TBCK: variants seen among roughly 807,000 people sequenced by gnomAD.
TBCK encodes the protein TBC domain-containing protein kinase-like protein.
A neutral mutation model predicts 113.4 loss-of-function variants in TBCK; 99 were observed. The ratio of observed to expected loss-of-function variants is 0.87; its 90% CI spans 0.74 to 1.03. The LOEUF is 1.03. TBCK is among the 50% of genes least tolerant of loss of function. The pLI is 0.00. For missense variants in TBCK, 1,045 were observed against 1,061.3 expected (o/e 0.98, Z 0.21); for synonymous variants, 369 against 370.8 (o/e 1.00, Z 0.05).
In TBCK at chr4:106,095,590, G is replaced by A. The variant is rs771208077; in HGVS notation, c.2463C>T (p.Ala821=). The change falls in exon 25 of 26, where the codon GCC becomes GCT. Residue 821 remains alanine, a synonymous_variant. Transcript: ENST00000394708. ...GGGTAAGCTCCCCTTCTGCAGTGAA[G>A]GCAGCACTGAATGGAATGTTGATGC... ...SGSINIPFSA[A]FTAEGELTQG... The A allele has an allele frequency of 7.4e-6, 12 of 1,614,082 alleles. No individual in the cohort carries two copies. The Admixed American group carries it at 1.8e-4, about 25-fold the overall frequency.
chr4:106,251,612 T>C (rs1761432591), intron 6 of TBCK, among the ~76,000 whole-genome samples: 1 of 151,936 alleles, frequency 6.6e-6, no homozygotes, highest in African/African-American at 2.4e-5. Flanking sequence ...TTTGTAAAAA[T>C]ATACACATTA....
intron 3 of TBCK, among the ~76,000 whole-genome samples, chr4:106,283,889 G>A (rs769097896): frequency 2.0e-5 from 3 of 152,258 alleles, no homozygotes; most frequent in South Asian, 2.1e-4. Context: ...CAGTTAGAAC[G>A]TTACAATGCA....
intron 23 of TBCK, among the ~76,000 whole-genome samples, chr4:106,122,642 A>C (rs1013745178): frequency 1.3e-5 from 2 of 152,144 alleles, no homozygotes; most frequent in African/African-American, 4.8e-5. Flanking sequence ...TACTGGCAAA[A>C]CGAATCCAGC....
At chr4:106,221,715 A>G (rs991162626) in intron 19 of TBCK, among the ~76,000 whole-genome samples, 2 of 152,170 alleles carry the variant, frequency 1.3e-5, no homozygotes, top group African/African-American at 4.8e-5. Context: ...CAATGGAATC[A>G]TAGAATCTTG....
At chr4:106,214,122 C>A (rs973171904) in intron 19 of TBCK, among the ~76,000 whole-genome samples, 8 of 151,796 alleles carry the variant, frequency 5.3e-5, no homozygotes, top group Non-Finnish European at 1.0e-4. Context: ...ACACCTCACA[C>A]GGCAGGGTAC....
intron 25 of TBCK, among the ~76,000 whole-genome samples, chr4:106,090,857 T>G (rs1241502130): frequency 6.6e-6 from 1 of 152,212 alleles, no homozygotes; most frequent in Non-Finnish European, 1.5e-5. Flanking sequence ...GACTTTATTG[T>G]CCATACAGCT....
chr4:106,192,765 T>A (rs1349771746), intron 22 of TBCK, among the ~76,000 whole-genome samples: 2 of 151,666 alleles, frequency 1.3e-5, no homozygotes, highest in African/African-American at 4.8e-5. Context: ...AAAGACATAA[T>A]CTTAAGGGAC....
intron 1 of TBCK, among the ~76,000 whole-genome samples, chr4:106,309,528 TCCTGA>T (rs1767954801): frequency 6.6e-6 from 1 of 151,976 alleles, no homozygotes; most frequent in Non-Finnish European, 1.5e-5. Flanking sequence ...GGTCTTGAAC[TCCTGA>T]CCTCGTGATC....
intron 2 of TBCK, among the ~76,000 whole-genome samples, chr4:106,296,344 C>CA: frequency 6.6e-6 from 1 of 151,936 alleles, no homozygotes; most frequent in Non-Finnish European, 1.5e-5. Flanking sequence ...ACACAAAACA[C>CA]AAAGACTGAG....
chr4:106,264,660 A>T (rs927976598), intron 3 of TBCK, among the ~76,000 whole-genome samples: 1 of 151,992 alleles, frequency 6.6e-6, no homozygotes, highest in Non-Finnish European at 1.5e-5. Context: ...CTTAAACCCT[A>T]GCTGTCAAGA....
intron 23 of TBCK, among the ~76,000 whole-genome samples, chr4:106,152,127 C>T (rs190869809): frequency 6.6e-6 from 1 of 151,842 alleles, no homozygotes; most frequent in African/African-American, 2.4e-5. Flanking sequence ...TGATGAATAA[C>T]AGTAGTTAAA....
In TBCK at chr4:106,273,978, G is replaced by A. The variant is rs139885339; in HGVS notation, c.267-11766C>T. On this transcript the variant is annotated intron_variant, in intron 3 of 25. Transcript: ENST00000394708. ...CCATCCTGAAGCTAGAGGCTTTCAA[G>A]TGTCACCTCATCAGAATACTCAGCT... Among the ~76,000 whole-genome samples, 310 of 152,328 alleles carry A rather than the reference G, an allele frequency of 2.0e-3. 5 individuals are homozygous for A. The East Asian group carries it at 0.046, about 22-fold the overall frequency.
At chr4:106,229,371 A>C (rs572087822) in intron 19 of TBCK, among the ~76,000 whole-genome samples, 2 of 152,098 alleles carry the variant, frequency 1.3e-5, no homozygotes, top group African/African-American at 4.8e-5. Flanking sequence ...TAGTTTCATA[A>C]TTTGAGGTCT....
At chr4:106,097,938 T>C (rs1225564638) in intron 24 of TBCK, among the ~76,000 whole-genome samples, 3 of 152,064 alleles carry the variant, frequency 2.0e-5, no homozygotes, top group African/African-American at 4.8e-5. Context: ...TAGTTGACTA[T>C]CATCAGTCAT....
intron 23 of TBCK, among the ~76,000 whole-genome samples, chr4:106,157,970 CT>C (rs1749321744): frequency 2.0e-5 from 3 of 152,170 alleles, no homozygotes; most frequent in African/African-American, 7.2e-5. Flanking sequence ...ACATAGAGGC[CT>C]TAAAGCAGAA....
At chr4:106,158,985 G>A (rs568262618) in intron 23 of TBCK, among the ~76,000 whole-genome samples, 5 of 150,540 alleles carry the variant, frequency 3.3e-5, no homozygotes, top group Middle Eastern at 3.5e-3. Context: ...AGGATGTTTC[G>A]CCACAGGAAA....
intron 3 of TBCK, among the ~76,000 whole-genome samples, chr4:106,272,787 G>T (rs942853283): frequency 6.6e-6 from 1 of 151,898 alleles, no homozygotes; most frequent in Non-Finnish European, 1.5e-5. Context: ...GAGTCACCTC[G>T]CCTGGCCTCT....
chr4:106,243,507 T>A (rs1760410492), intron 11 of TBCK, among the ~76,000 whole-genome samples: 1 of 152,148 alleles, frequency 6.6e-6, no homozygotes, highest in South Asian at 2.1e-4. Flanking sequence ...ACTTTCTACT[T>A]AATTCAATGT....
At chr4:106,069,141 T>C (rs1269540200) in intron 25 of TBCK, among the ~76,000 whole-genome samples, 2 of 152,228 alleles carry the variant, frequency 1.3e-5, no homozygotes, top group Non-Finnish European at 2.9e-5. Flanking sequence ...AGAAGCTCTT[T>C]AGTTTAATTA....
Sources: gnomAD v4.1 joint callset for allele counts (sites outside exome capture counted in the v4.1 genomes callset) on GRCh38, gnomAD v4.1.1 for gene constraint, MANE v1.5 for transcripts, NCBI Gene and HGNC (gene_info 2026-07-23, HGNC 2026-07-21) for gene names.